Variants in MARCHF10 observed in about 807,000 individuals in gnomAD.
MARCHF10 encodes the protein probable E3 ubiquitin-protein ligase MARCHF10.
A neutral mutation model predicts 76.2 loss-of-function variants in MARCHF10; 64 were observed. That is an observed-to-expected ratio of 0.84 (90% confidence interval 0.69 to 1.03). MARCHF10 has a LOEUF of 1.03. MARCHF10 is among the 50% of genes least tolerant of loss of function. MARCHF10 has a pLI of 0.00. For synonymous variants in MARCHF10, 340 were observed against 357.5 expected (o/e 0.95, Z 0.55); for missense variants, 875 against 958.0 (o/e 0.91, Z 1.14).
In MARCHF10 at chr17:62,744,525, T is replaced by C; in HGVS notation, c.386A>G (p.Asp129Gly). The C allele has an allele frequency of 6.2e-7, 1 of 1,613,270 alleles. No homozygotes were observed. Among genetic ancestry groups the C allele is most frequent in the Non-Finnish European group, 8.5e-7 (1 of 1,179,824 alleles). Reference protein sequence around the residue: ...KVDPSEPSPADQAPMVLLRKR... With the variant: ...KVDPSEPSPAGQAPMVLLRKR... ...TCTTAATAAAACCATTGGTGCTTGG[T>C]CTGCTGAAAGATGCAAAGTCTTTTC... The change falls in exon 5 of 11, where the codon GAC (aspartate) becomes GGC (glycine). Residue 129 changes from aspartate to glycine, a missense_variant. Physicochemically the swap from Asp to Gly is moderately conservative, Grantham distance 94. Coordinates refer to ENST00000311269, the MANE Select transcript of MARCHF10 (RefSeq NM_152598.4).
At chr17:62,773,803 G>C (rs1460726751) in intron 3 of MARCHF10, among the ~76,000 whole-genome samples, 1 of 152,200 alleles carries the variant, frequency 6.6e-6, no homozygotes, top group African/African-American at 2.4e-5. Flanking sequence ...GAGGAAGACA[G>C]CGTTGACCAA....
intron 1 of MARCHF10, 97 bp from the exon 2 acceptor site, chr17:62,801,849 T>C: frequency 1.1e-6 from 1 of 902,216 alleles, no homozygotes. Flanking sequence ...ATTTGTGTAT[T>C]CATCTAATTT....
At chr17:62,803,363 T>C (rs2093108933) in intron 1 of MARCHF10, among the ~76,000 whole-genome samples, 1 of 151,700 alleles carries the variant, frequency 6.6e-6, no homozygotes, top group Non-Finnish European at 1.5e-5. Flanking sequence ...GTGGGGGTGA[T>C]GGTGGTAGAG....
intron 6 of MARCHF10, among the ~76,000 whole-genome samples, chr17:62,732,577 C>T (rs546029924): frequency 6.6e-6 from 1 of 152,300 alleles, no homozygotes; most frequent in East Asian, 1.9e-4. Context: ...AGTCCAAATC[C>T]ATTTCACATT....
intron 3 of MARCHF10, among the ~76,000 whole-genome samples, chr17:62,761,674 A>C (rs1273436030): frequency 6.6e-6 from 1 of 152,090 alleles, no homozygotes; most frequent in African/African-American, 2.4e-5. Context: ...AACCCATCTC[A>C]GCCTCCCAAA....
At chr17:62,802,428 C>T (rs970282718) in intron 1 of MARCHF10, among the ~76,000 whole-genome samples, 2 of 152,046 alleles carry the variant, frequency 1.3e-5, no homozygotes, top group African/African-American at 2.4e-5. Context: ...TCGTGTTGGC[C>T]GGGCTGGTCT....
chr17:62,807,901 A>T (rs544537054), intron 1 of MARCHF10, among the ~76,000 whole-genome samples, 176 bp downstream of exon 1: 2 of 152,338 alleles, frequency 1.3e-5, no homozygotes, highest in African/African-American at 4.8e-5. Context: ...GTCTCCCCCA[A>T]ACCTGTCCCT....
chr17:62,760,126 GC>G, intron 3 of MARCHF10, 120 bp from the exon 4 acceptor site: 1 of 812,964 alleles, frequency 1.2e-6, no homozygotes, highest in Non-Finnish European at 2.0e-6. Flanking sequence ...AGAGTCTTCT[GC>G]CAGGTCAACA....
rs1306525379 is a variant in MARCHF10, at chr17:62,722,594, G to A, written c.2108C>T (p.Ala703Val). Residue 703 changes from alanine (A) to valine (V), a missense_variant, in exon 8 of 11, where the codon GCA becomes GTA. Transcript: ENST00000311269. The stretch of plus-strand genomic sequence containing the variant: ...ACAGGTCTTCACGGCACCAAGATCT[G>A]CTCCTTAAATTGGATAAAGAATTAT... Reference protein sequence around the residue: ...KWLKVKITSGADLGAVKTCEM... With the variant: ...KWLKVKITSGVDLGAVKTCEM... 6.2e-7 allele frequency: 1 copy of A among 1,612,384 alleles called. No individual in the cohort carries two copies. Among genetic ancestry groups the A allele is most frequent in the Admixed American group, 1.7e-5 (1 of 59,868 alleles).
Position 62,756,202 on chromosome 17 carries a change from C to T in MARCHF10, c.382+3633G>A, listed in dbSNP as rs190356123. 3.3e-5 allele frequency among the ~76,000 whole-genome samples: 5 copies of T among 152,238 alleles called. No homozygotes were observed. The South Asian group carries it at 6.2e-4, about 19-fold the overall frequency. ...GGCGGAGGTTGCCGTAAGCCGAGAT[C>T]GCGCCATTGCACTTCAGCCTGGGCA... On this transcript the variant is annotated intron_variant, in intron 4 of 10. Coordinates refer to ENST00000311269, the MANE Select transcript of MARCHF10 (RefSeq NM_152598.4).
intron 5 of MARCHF10, 138 bp downstream of exon 5, chr17:62,744,238 A>G: frequency 1.0e-6 from 1 of 964,290 alleles, no homozygotes; most frequent in Non-Finnish European, 1.5e-6. Context: ...TTGCTTTTAA[A>G]GCTGTTTCAT....
intron 4 of MARCHF10, among the ~76,000 whole-genome samples, chr17:62,748,478 T>G (rs1265461003): frequency 1.3e-5 from 2 of 152,190 alleles, no homozygotes; most frequent in Admixed American, 6.5e-5. Flanking sequence ...GGCTCATGTC[T>G]GTAATCCTAA....
At chr17:62,715,476 T>C (rs373297856) in intron 8 of MARCHF10, among the ~76,000 whole-genome samples, 2 of 152,224 alleles carry the variant, frequency 1.3e-5, no homozygotes, top group East Asian at 1.9e-4. Context: ...GCTAGAATGT[T>C]ATTTGGCTCG....
chr17:62,792,095 C>T (rs1020148383), intron 2 of MARCHF10, among the ~76,000 whole-genome samples: 2 of 152,016 alleles, frequency 1.3e-5, no homozygotes, highest in African/African-American at 4.8e-5. Context: ...AAGATCAGGG[C>T]TTCTTCCTTC....
chr17:62,715,119 A>G (rs989608272), intron 8 of MARCHF10, among the ~76,000 whole-genome samples: 1 of 152,204 alleles, frequency 6.6e-6, no homozygotes, highest in African/African-American at 2.4e-5. Context: ...GTGTACTTCT[A>G]ACAAGTTCCC....
chr17:62,803,667 G>A (rs1422939099), intron 1 of MARCHF10, among the ~76,000 whole-genome samples: 1 of 151,982 alleles, frequency 6.6e-6, no homozygotes, highest in East Asian at 1.9e-4. Context: ...TTACAGGCAC[G>A]TGCCACCACA....
chr17:62,737,532 C>A (rs890706108), intron 5 of MARCHF10, 200 bp from the exon 6 acceptor site: 3 of 579,838 alleles, frequency 5.2e-6, no homozygotes, highest in Non-Finnish European at 9.0e-6. Flanking sequence ...CTCCTTTGTA[C>A]CCCTGTGGTC....
At chr17:62,748,932 G>T (rs528085941) in intron 4 of MARCHF10, among the ~76,000 whole-genome samples, 1 of 152,306 alleles carries the variant, frequency 6.6e-6, no homozygotes, top group East Asian at 1.9e-4. Context: ...CAGGTAGCAG[G>T]ACAAGCCCTT....
At chr17:62,702,432 G>GGGGCGGC (rs1176137254) in intron 10 of MARCHF10, among the ~76,000 whole-genome samples, 23 of 140,310 alleles carry the variant, frequency 1.6e-4, no homozygotes, top group Non-Finnish European at 2.8e-4. Context: ...CGGGGGGCGG[G>GGGGCGGC]GGGCGGCGAA....
Sources: gnomAD v4.1 joint callset for allele counts (sites outside exome capture counted in the v4.1 genomes callset) on GRCh38, gnomAD v4.1.1 for gene constraint, MANE v1.5 for transcripts, NCBI Gene and HGNC (gene_info 2026-07-23, HGNC 2026-07-21) for gene names.